Variants in TASP1 observed in about 807,000 individuals in gnomAD.
TASP1 encodes threonine aspartase 1.
Under a neutral mutation model 56.6 loss-of-function variants are expected in TASP1, and 16 were observed. That is an observed-to-expected ratio of 0.28 (90% confidence interval 0.19 to 0.43). The LOEUF (loss-of-function observed/expected upper bound fraction) is 0.43, where lower values mean the gene tolerates loss of function less well. Ranked by LOEUF, TASP1 falls within the 20% of genes least tolerant of loss-of-function variation. TASP1 has a pLI of 1.00. For missense variants in TASP1, 393 were observed against 511.6 expected, an observed-to-expected ratio of 0.77 and a Z score of 2.24; for synonymous variants, 179 against 184.2, an observed-to-expected ratio of 0.97 and a Z score of 0.23.
the TASP1 span, among the ~76,000 whole-genome samples, chr20:13,322,239 C>T: frequency 6.6e-6 from 1 of 152,182 alleles, no homozygotes; most frequent in Non-Finnish European, 1.5e-5. Context: ...GTGCTGTACT[C>T]CCAAGAGTGA....
At chr20:13,270,165 T>C in the TASP1 span, among the ~76,000 whole-genome samples, 1 of 152,240 alleles carries the variant, frequency 6.6e-6, no homozygotes, top group African/African-American at 2.4e-5. Flanking sequence ...GTTGAAGCTG[T>C]GAGAAGAGAA....
At chr20:13,172,677 T>C in the TASP1 span, among the ~76,000 whole-genome samples, 2 of 152,168 alleles carry the variant, frequency 1.3e-5, no homozygotes, top group Non-Finnish European at 1.5e-5. Context: ...GAATCTAAAA[T>C]CCTATGTCCA....
chr20:13,405,950 C>T (rs2041903325), intron 13 of TASP1, among the ~76,000 whole-genome samples: 1 of 152,198 alleles, frequency 6.6e-6, no homozygotes, highest in Non-Finnish European at 1.5e-5. Flanking sequence ...ATCAACCAAT[C>T]TGGCAATTCC....
chr20:13,302,734 C>T, the TASP1 span, among the ~76,000 whole-genome samples: 1 of 152,152 alleles, frequency 6.6e-6, no homozygotes. Flanking sequence ...TTTTGCCTTC[C>T]CCTGGAAAGA....
chr20:13,175,894 T>C, the TASP1 span, among the ~76,000 whole-genome samples: 133 of 152,232 alleles, frequency 8.7e-4, no homozygotes, highest in African/African-American at 3.2e-3. Flanking sequence ...ACCATAACAA[T>C]AGATATCCTC....
intron 11 of TASP1, among the ~76,000 whole-genome samples, chr20:13,471,282 G>C (rs906538390): frequency 6.6e-6 from 1 of 152,084 alleles, no homozygotes; most frequent in South Asian, 2.1e-4. Flanking sequence ...ATAAATCATG[G>C]AAGACAACCC....
At chr20:13,369,419 C>G in the TASP1 span, among the ~76,000 whole-genome samples, 1 of 152,090 alleles carries the variant, frequency 6.6e-6, no homozygotes, top group African/African-American at 2.4e-5. Flanking sequence ...GCACTCCAGC[C>G]CATACAACAG....
the TASP1 span, among the ~76,000 whole-genome samples, chr20:13,171,956 A>C: frequency 6.6e-6 from 1 of 152,176 alleles, no homozygotes; most frequent in African/African-American, 2.4e-5. Flanking sequence ...CAGAGTTTAT[A>C]AAAATTAAAA....
At chr20:13,126,609 C>T in the TASP1 span, 37 of 1,613,484 alleles carry the variant, frequency 2.3e-5, no homozygotes, top group East Asian at 4.5e-5. Flanking sequence ...GGATTATTTA[C>T]GGGTTCACTC....
At chr20:13,263,338 C>G in the TASP1 span, among the ~76,000 whole-genome samples, 1 of 152,058 alleles carries the variant, frequency 6.6e-6, no homozygotes, top group Admixed American at 6.6e-5. Context: ...ACAAGCCCCC[C>G]ACCACCCCCT....
chr20:13,626,189 C>G (rs902691692), intron 2 of TASP1, among the ~76,000 whole-genome samples: 2 of 152,182 alleles, frequency 1.3e-5, no homozygotes, highest in African/African-American at 4.8e-5. Flanking sequence ...CTTTGGGAGG[C>G]TGAGGCGGGA....
At chr20:13,341,232 A>G in the TASP1 span, among the ~76,000 whole-genome samples, 1 of 152,214 alleles carries the variant, frequency 6.6e-6, no homozygotes, top group African/African-American at 2.4e-5. Context: ...AAGCATGCTA[A>G]CTTTTCCCAG....
intron 9 of TASP1, among the ~76,000 whole-genome samples, chr20:13,531,932 G>A (rs1200641310): frequency 6.6e-6 from 1 of 152,164 alleles, no homozygotes; most frequent in Middle Eastern, 3.2e-3. Context: ...CCAAAGTGCT[G>A]GGAATTACAG....
At chr20:13,445,432 T>G (rs188879359) in intron 11 of TASP1, among the ~76,000 whole-genome samples, 3 of 152,300 alleles carry the variant, frequency 2.0e-5, no homozygotes, top group Admixed American at 2.0e-4. Flanking sequence ...TCAGAAGGCA[T>G]CTTCTTTTTC....
chr20:13,608,908 A>T (rs2048252616), intron 4 of TASP1, among the ~76,000 whole-genome samples: 1 of 152,266 alleles, frequency 6.6e-6, no homozygotes, highest in South Asian at 2.1e-4. Flanking sequence ...AGTAAACACG[A>T]GAGTGAAAAA....
At chr20:13,546,585 G>A (rs2146978805) in intron 8 of TASP1, among the ~76,000 whole-genome samples, 1 of 93,320 alleles carries the variant, frequency 1.1e-5, no homozygotes, top group Admixed American at 1.0e-4. Context: ...AAATAGATAG[G>A]AATTCTTGTG....
intron 11 of TASP1, among the ~76,000 whole-genome samples, chr20:13,481,062 A>AT (rs1334877971): frequency 2.2e-4 from 34 of 151,790 alleles, no homozygotes; most frequent in Non-Finnish European, 3.8e-4. Flanking sequence ...ATTCTTTCTT[A>AT]TTTTTTTGTA....
chr20:13,467,417 T>TAAAAAAAAAAAAAA (rs151224677), intron 11 of TASP1, among the ~76,000 whole-genome samples: 1 of 126,722 alleles, frequency 7.9e-6, no homozygotes, highest in African/African-American at 2.8e-5. Flanking sequence ...AATGTCTTCC[T>TAAAAAAAAAAAAAA]AAAAAAAAAA....
intron 11 of TASP1, among the ~76,000 whole-genome samples, chr20:13,473,956 C>G (rs1447068814): frequency 1.3e-5 from 2 of 152,122 alleles, no homozygotes; most frequent in Non-Finnish European, 2.9e-5. Context: ...TGCCTGTAAT[C>G]CTAGCTACTT....
Sources: gnomAD v4.1 joint callset for allele counts (sites outside exome capture counted in the v4.1 genomes callset) on GRCh38, gnomAD v4.1.1 for gene constraint, MANE v1.5 for transcripts, NCBI Gene and HGNC (gene_info 2026-07-23, HGNC 2026-07-21) for gene names.